ARHGAP17: variants seen among roughly 807,000 people sequenced by gnomAD.
ARHGAP17 encodes rho GTPase-activating protein 17.
Under a neutral mutation model 99.5 loss-of-function variants are expected in ARHGAP17, and 57 were observed. The ratio of observed to expected loss-of-function variants is 0.57; its 90% CI spans 0.46 to 0.71. ARHGAP17 has a LOEUF of 0.71. Among genes scored for constraint, ARHGAP17 ranks in the 30% least tolerant of loss-of-function variants. The pLI is 0.00. For synonymous variants in ARHGAP17, 417 were observed against 429.6 expected (o/e 0.97, Z 0.36); for missense variants, 1,000 against 1,122.4 (o/e 0.89, Z 1.56).
At chr16:24,981,829 A>G (rs2052683074) in intron 1 of ARHGAP17, among the ~76,000 whole-genome samples, 1 of 152,192 alleles carries the variant, frequency 6.6e-6, no homozygotes, top group Non-Finnish European at 1.5e-5. Context: ...GTCAAGCTCT[A>G]CAAATGCACA....
chr16:24,943,723 C>G, intron 15 of ARHGAP17, 48 bp downstream of exon 15: 1 of 1,524,656 alleles, frequency 6.6e-7, no homozygotes, highest in Non-Finnish European at 9.1e-7. Context: ...ACTTTTTGTA[C>G]GATTATCACA....
At chr16:24,938,218 GC>G (rs1165666463) in intron 17 of ARHGAP17, among the ~76,000 whole-genome samples, 3 of 152,082 alleles carry the variant, frequency 2.0e-5, no homozygotes, top group Non-Finnish European at 4.4e-5. Context: ...AAAAAAATTA[GC>G]CTGGCATGGT....
chr16:24,992,354 G>A (rs927595523), intron 1 of ARHGAP17, among the ~76,000 whole-genome samples: 5 of 150,402 alleles, frequency 3.3e-5, no homozygotes. Context: ...TCTTTTTTTT[G>A]GAGACAGAGT....
chr16:24,948,806 CTT>C (rs1433536495), intron 13 of ARHGAP17, among the ~76,000 whole-genome samples: 1 of 151,202 alleles, frequency 6.6e-6, no homozygotes, highest in Non-Finnish European at 1.5e-5. Flanking sequence ...AGAAAATTTT[CTT>C]TGTTTGGTTT....
chr16:24,995,931 T>C (rs1295009634), intron 1 of ARHGAP17, among the ~76,000 whole-genome samples: 2 of 152,184 alleles, frequency 1.3e-5, no homozygotes, highest in African/African-American at 2.4e-5. Context: ...CTTTGCTATG[T>C]GGTCCAGGTT....
intron 1 of ARHGAP17, among the ~76,000 whole-genome samples, chr16:25,005,685 A>G (rs1183941303): frequency 6.7e-6 from 1 of 150,340 alleles, no homozygotes; most frequent in Non-Finnish European, 1.5e-5. Context: ...CGTTAATTCC[A>G]TGACAAACAA....
intron 17 of ARHGAP17, among the ~76,000 whole-genome samples, chr16:24,937,467 A>T (rs140228453): frequency 0.016 from 2,494 of 152,164 alleles, 55 homozygotes; most frequent in African/African-American, 0.055. Context: ...AAAAAACAAA[A>T]CCAAGAAAAA....
intron 18 of ARHGAP17, 101 bp from the exon 19 acceptor site, chr16:24,931,505 C>T (rs1445895413): frequency 4.3e-5 from 52 of 1,211,628 alleles, no homozygotes; most frequent in Non-Finnish European, 5.3e-5. Flanking sequence ...TAAGGTACAC[C>T]AGCATCATGT....
chr16:24,949,919 G>A (rs1394975689), intron 12 of ARHGAP17, among the ~76,000 whole-genome samples: 5 of 152,164 alleles, frequency 3.3e-5, no homozygotes, highest in Non-Finnish European at 4.4e-5. Flanking sequence ...GTCTTTCCTC[G>A]CTTGCAATAC....
At chr16:24,936,822 G>A (rs1362705715) in intron 17 of ARHGAP17, 2 of 151,212 alleles carry the variant, frequency 1.3e-5, no homozygotes, top group African/African-American at 2.4e-5. Flanking sequence ...ACAAGGAAAT[G>A]AAAATATGTA....
chr16:24,953,830 G>A (rs989744127), intron 10 of ARHGAP17, among the ~76,000 whole-genome samples: 2 of 152,134 alleles, frequency 1.3e-5, no homozygotes, highest in Admixed American at 6.5e-5. Context: ...TGTCTCCTGG[G>A]GAGCAAATCT....
chr16:25,004,416 G>A (rs192193055), intron 1 of ARHGAP17, among the ~76,000 whole-genome samples: 4 of 152,186 alleles, frequency 2.6e-5, no homozygotes, highest in East Asian at 3.9e-4. Flanking sequence ...GAAACACTTC[G>A]GTGTATTTCC....
chr16:24,924,084 A>G (rs2050782544), intron 19 of ARHGAP17, among the ~76,000 whole-genome samples: 1 of 152,192 alleles, frequency 6.6e-6, no homozygotes, highest in Non-Finnish European at 1.5e-5. Context: ...GTGCAGGCAC[A>G]ACTGCAGGGC....
intron 1 of ARHGAP17, among the ~76,000 whole-genome samples, chr16:24,987,711 G>C (rs1006807366): frequency 2.6e-5 from 4 of 152,038 alleles, no homozygotes; most frequent in African/African-American, 9.7e-5. Flanking sequence ...CAGGGCTGTT[G>C]GTTTTTGGTT....
At chr16:24,927,228 G>C (rs1045577183) in intron 19 of ARHGAP17, among the ~76,000 whole-genome samples, 1 of 152,192 alleles carries the variant, frequency 6.6e-6, no homozygotes, top group African/African-American at 2.4e-5. Context: ...CCGAGATTGC[G>C]CGTATATTAA....
intron 1 of ARHGAP17, among the ~76,000 whole-genome samples, chr16:24,987,829 C>T (rs1323180450): frequency 6.6e-6 from 1 of 152,132 alleles, no homozygotes; most frequent in Non-Finnish European, 1.5e-5. Flanking sequence ...TTTTAATGAG[C>T]TCATTTTCAA....
At chr16:24,982,982 A>ATATATATATATATT (rs1555467441) in intron 1 of ARHGAP17, among the ~76,000 whole-genome samples, 426 of 32,630 alleles carry the variant, frequency 0.013, 1 homozygote, top group Non-Finnish European at 0.017. Flanking sequence ...ATATATATAT[A>ATATATATATATATT]TATATATATA....
At chr16:25,006,775 G>A (rs1030380477) in intron 1 of ARHGAP17, among the ~76,000 whole-genome samples, 1 of 152,212 alleles carries the variant, frequency 6.6e-6, no homozygotes, top group African/African-American at 2.4e-5. Flanking sequence ...TCACAGACTA[G>A]AAGATAGAGG....
rs774531530 is a variant in ARHGAP17 at position 24,939,369 on chromosome 16, G to A, written c.1719C>T (p.Asp573=). The change falls in exon 17 of 20, where the codon GAC becomes GAT. Residue 573 remains aspartate, a synonymous_variant. Coordinates refer to ENST00000289968, the MANE Select transcript of ARHGAP17 (RefSeq NM_001006634.3). ...GILEQGPSPG[D]GSPPKPKDPV... Reference sequence around the variant, plus strand: ...GCAGAAGTCAGCCTCCTTACCTGCCGTCGCCTGGGCTCGGCCCCTGCTCCA... The same window carrying A: ...GCAGAAGTCAGCCTCCTTACCTGCCATCGCCTGGGCTCGGCCCCTGCTCCA... The A allele has an allele frequency of 1.6e-5, 26 of 1,601,910 alleles. No homozygotes were observed. Among genetic ancestry groups the A allele is most frequent in the Middle Eastern group, 2.3e-4 (1 of 4,420 alleles).
Sources: allele counts gnomAD v4.1 joint callset (sites outside exome capture counted in the v4.1 genomes callset), GRCh38; gene constraint gnomAD v4.1.1; transcripts MANE v1.5; gene names NCBI Gene and HGNC (gene_info 2026-07-23, HGNC 2026-07-21).